The following PRKG1 variants were observed in gnomAD, a reference collection of about 807,000 sequenced individuals.
PRKG1 encodes cGMP-dependent protein kinase 1.
A neutral mutation model predicts 88.1 loss-of-function variants in PRKG1; 35 were observed. The observed-to-expected ratio is 0.40, with a 90% CI of 0.30 to 0.53. The LOEUF is 0.53. Among genes scored for constraint, PRKG1 ranks in the 20% least tolerant of loss-of-function variants. The pLI, the probability that PRKG1 is intolerant of heterozygous loss-of-function variation, is 0.59. For synonymous variants in PRKG1, 303 were observed against 292.5 expected, an observed-to-expected ratio of 1.04 and a Z score of -0.37; for missense variants, 540 against 839.8, an observed-to-expected ratio of 0.64 and a Z score of 4.41.
At chr10:51,753,080 C>T (rs1037519240) in intron 3 of PRKG1, among the ~76,000 whole-genome samples, 3 of 152,066 alleles carry the variant, frequency 2.0e-5, no homozygotes, top group Non-Finnish European at 4.4e-5. Context: ...TAACTAAGTA[C>T]TTGGCAGTGT....
intron 7 of PRKG1, among the ~76,000 whole-genome samples, chr10:52,068,371 C>G (rs1356947502): frequency 6.6e-6 from 1 of 152,100 alleles, no homozygotes; most frequent in Non-Finnish European, 1.5e-5. Flanking sequence ...ATTAAGCTCC[C>G]AGTAGCCACC....
intron 4 of PRKG1, among the ~76,000 whole-genome samples, chr10:51,832,609 T>C (rs908883977): frequency 6.6e-6 from 1 of 152,168 alleles, no homozygotes; most frequent in African/African-American, 2.4e-5. Flanking sequence ...AATTTTAGTC[T>C]CTAGAATAAA....
At position 51,502,601 on chromosome 10, in the gene PRKG1, T is replaced by C. The variant is rs573568741; in HGVS notation, c.592+34765T>C. Among the ~76,000 whole-genome samples the C allele has an allele frequency of 7.2e-5, 11 of 152,270 alleles. No individual in the cohort carries two copies. The South Asian group carries it at 2.1e-3, about 29-fold the overall frequency. ...CACTAATTTAATAGTGGTGTAACCT[T>C]GGGTGAAACATATAAGCACTCTGAG... On this transcript the variant is annotated intron_variant, in intron 3 of 17. Coordinates refer to ENST00000373980, the MANE Select transcript of PRKG1 (RefSeq NM_006258.4).
chr10:52,048,576 A>C (rs918711302), intron 5 of PRKG1, among the ~76,000 whole-genome samples: 2 of 151,986 alleles, frequency 1.3e-5, no homozygotes, highest in Non-Finnish European at 2.9e-5. Context: ...ACGTGTCATC[A>C]AATAAATATG....
In PRKG1 at chr10:52,133,846, T is replaced by C; in HGVS notation, c.942T>C (p.Asp314=). 1 of 1,612,770 alleles carries C rather than the reference T, an allele frequency of 6.2e-7. No individual in the cohort carries two copies. The highest frequency in any genetic ancestry group is 8.5e-7 in the Non-Finnish European group (1 of 1,179,050). ...WFGEKALQGE[D]VRTANVIAAE... is the part of the protein sequence containing the mutation. ...GTCTCTATTTTTCACATAGGGAAGA[T>C]GTGAGAACAGCAAACGTAATTGCTG... Residue 314 remains aspartate, a synonymous_variant, in exon 8 of 18, where the codon GAT becomes GAC. Coordinates refer to ENST00000373980, the MANE Select transcript of PRKG1 (RefSeq NM_006258.4).
chr10:52,197,188 A>C (rs1392605880), intron 9 of PRKG1, among the ~76,000 whole-genome samples: 6 of 151,588 alleles, frequency 4.0e-5, no homozygotes, highest in Non-Finnish European at 5.9e-5. Context: ...TCAGTGTTAG[A>C]TCTCAGAGTT....
At chr10:51,817,346 A>ACCCCCCCC (rs1332540212) in intron 4 of PRKG1, among the ~76,000 whole-genome samples, 1 of 36,382 alleles carries the variant, frequency 2.7e-5, no homozygotes. Context: ...ATCCCTCCCC[A>ACCCCCCCC]ACCCCCCCCC....
rs552123614 is a variant in PRKG1, at chr10:52,114,554, C to T, written c.936-19286C>T. On this transcript the variant is annotated intron_variant, in intron 7 of 17. Coordinates refer to ENST00000373980, the MANE Select transcript of PRKG1 (RefSeq NM_006258.4). The stretch of plus-strand genomic sequence containing the variant: ...GATTTGAGCTCACAGGCCTAATATG[C>T]TGAATATATATATATATGTTTTCAC... Among the ~76,000 whole-genome samples, 699 of 147,468 alleles carry T rather than the reference C, an allele frequency of 4.7e-3. 5 individuals carry two copies. The highest frequency in any genetic ancestry group is 0.014 in the Middle Eastern group (4 of 288).
intron 7 of PRKG1, among the ~76,000 whole-genome samples, chr10:52,102,985 A>T (rs1847331561): frequency 6.6e-6 from 1 of 152,180 alleles, no homozygotes; most frequent in African/African-American, 2.4e-5. Context: ...GCAGCAGGTG[A>T]GTGAGCATTA....
intron 2 of PRKG1, among the ~76,000 whole-genome samples, chr10:51,425,612 A>T (rs1157818945): frequency 6.6e-6 from 1 of 152,154 alleles, no homozygotes; most frequent in Non-Finnish European, 1.5e-5. Flanking sequence ...GGTTCATTAG[A>T]GTCTGGTACG....
intron 2 of PRKG1, among the ~76,000 whole-genome samples, chr10:51,205,127 CTTTTTTTTT>C (rs58176913): frequency 0.051 from 3,262 of 63,798 alleles, 159 homozygotes; most frequent in African/African-American, 0.18. Flanking sequence ...ATTTTCTTTT[CTTTTTTTTT>C]TTTTTTTTTT....
intron 5 of PRKG1, among the ~76,000 whole-genome samples, chr10:52,026,221 G>T (rs2133201378): frequency 6.6e-6 from 1 of 152,246 alleles, no homozygotes; most frequent in East Asian, 1.9e-4. Flanking sequence ...CCTGGAATGG[G>T]TTAGGGATAA....
At chr10:51,944,230 G>T (rs1268481558) in intron 5 of PRKG1, among the ~76,000 whole-genome samples, 1 of 152,012 alleles carries the variant, frequency 6.6e-6, no homozygotes, top group Non-Finnish European at 1.5e-5. Flanking sequence ...AGATTTTCTA[G>T]TTTATTTGCA....
intron 1 of PRKG1, among the ~76,000 whole-genome samples, chr10:51,015,259 G>A (rs900535658): frequency 2.0e-5 from 3 of 152,284 alleles, no homozygotes; most frequent in South Asian, 2.1e-4. Flanking sequence ...CGAATTCCAA[G>A]TTACAATTAC....
At chr10:51,904,540 C>G (rs1354805181) in intron 4 of PRKG1, among the ~76,000 whole-genome samples, 2 of 151,962 alleles carry the variant, frequency 1.3e-5, no homozygotes, top group Non-Finnish European at 2.9e-5. Flanking sequence ...CAGAATTTAT[C>G]TAGTGTTTGC....
chr10:51,086,865 A>G (rs192481002), intron 1 of PRKG1, among the ~76,000 whole-genome samples: 1 of 152,306 alleles, frequency 6.6e-6, no homozygotes, highest in Non-Finnish European at 1.5e-5. Context: ...ATCGTAATAG[A>G]GCAGTGCTCC....
intron 2 of PRKG1, among the ~76,000 whole-genome samples, chr10:51,373,821 AT>A: frequency 6.6e-6 from 1 of 151,756 alleles, no homozygotes; most frequent in Non-Finnish European, 1.5e-5. Context: ...TTTTTTCTTT[AT>A]CCATGCTGTC....
At chr10:51,507,303 A>AT (rs1564527337) in intron 3 of PRKG1, among the ~76,000 whole-genome samples, 2 of 151,874 alleles carry the variant, frequency 1.3e-5, no homozygotes, top group Non-Finnish European at 2.9e-5. Context: ...AAGTATAAAA[A>AT]AAAATAAAAA....
At chr10:51,549,120 C>CTTTTCTT (rs71459423) in intron 3 of PRKG1, among the ~76,000 whole-genome samples, 1 of 70,326 alleles carries the variant, frequency 1.4e-5, no homozygotes, top group Non-Finnish European at 2.6e-5. Flanking sequence ...CTTTTCTTTT[C>CTTTTCTT]TTTTTTTTTT....
Sources: gnomAD v4.1 joint callset for allele counts (sites outside exome capture counted in the v4.1 genomes callset) on GRCh38, gnomAD v4.1.1 for gene constraint, MANE v1.5 for transcripts, NCBI Gene and HGNC (gene_info 2026-07-23, HGNC 2026-07-21) for gene names.